Variants in RYR1 observed in about 807,000 individuals in gnomAD.
RYR1 encodes the protein central core disease of muscle.
In RYR1, 342 loss-of-function variants were observed where a neutral mutation model predicts 583.5. That is an observed-to-expected ratio of 0.59 (90% CI 0.54 to 0.64). The LOEUF is 0.64. Among genes scored for constraint, RYR1 ranks in the 30% least tolerant of loss-of-function variants. The probability of loss-of-function intolerance (pLI) is 0.00; values close to 1 mark genes in which losing one functional copy is unlikely to be tolerated. For missense variants in RYR1, 6,032 were observed against 6,917.2 expected, an observed-to-expected ratio of 0.87 and a Z score of 4.54; for synonymous variants, 2,791 against 2,822.5, an observed-to-expected ratio of 0.99 and a Z score of 0.35.
At chr19:38,455,214 C>T (rs753757530) in intron 13 of RYR1, 21 bp from the exon 14 acceptor site, 1 of 1,613,850 alleles carries the variant, frequency 6.2e-7, no homozygotes, top group African/African-American at 1.3e-5. Context: ...ATTGTGATGC[C>T]TCTTATTTTC....
At chr19:38,567,696 G>A (rs1034886830) in intron 92 of RYR1, 77 bp from the exon 93 acceptor site, 33 of 1,611,054 alleles carry the variant, frequency 2.0e-5, no homozygotes, top group East Asian at 1.1e-4. Flanking sequence ...CGGGCCCTTG[G>A]TGAATGGTTT....
chr19:38,543,523 C>T lies in RYR1; in HGVS notation c.11779-9C>T. The T allele has an allele frequency of 6.2e-7, 1 of 1,614,206 alleles. No homozygotes were observed. Among genetic ancestry groups the T allele is most frequent in the Non-Finnish European group, 8.5e-7 (1 of 1,180,020 alleles). On this transcript the variant is annotated splice_polypyrimidine_tract_variant and intron_variant, in intron 85 of 105. Coordinates refer to ENST00000359596, the MANE Select transcript of RYR1 (RefSeq NM_000540.3). The surrounding 1 kb of genome is among the most constrained non-coding windows in gnomAD (Gnocchi z 4.4). ...CAGCACCCCCTCACACCCTACCCGCCCCCACCAGGAATCCATCAGCGACTT... is the reference window on the plus strand; with the variant it reads ...CAGCACCCCCTCACACCCTACCCGCTCCCACCAGGAATCCATCAGCGACTT...
At chr19:38,502,802 GGC>G in intron 48 of RYR1, 75 bp downstream of exon 48, 3 of 1,039,144 alleles carry the variant, frequency 2.9e-6, no homozygotes, top group South Asian at 1.8e-5. Flanking sequence ...CAGGGGCAGG[GGC>G]AGGGGGAGGA....
rs1973383781 is a variant in RYR1, at chr19:38,565,670, T to A, written c.13336T>A (p.Phe4446Ile). The change falls in exon 91 of 106, where the codon TTC becomes ATC. Residue 4446 changes from phenylalanine to isoleucine, a missense_variant. This residue lies in a region of RYR1 where 753 missense variants were observed against 759.6 expected (regional missense o/e 0.99). Coordinates refer to ENST00000359596, the MANE Select transcript of RYR1 (RefSeq NM_000540.3). The surrounding 1 kb of genome is among the most constrained non-coding windows in gnomAD (Gnocchi z 4.7). ...GAVAVTDGGPFRPEGAGGLGD... is the reference protein window; with the variant it reads ...GAVAVTDGGPIRPEGAGGLGD... ...GGTGGCCGTGACCGATGGGGGCCCC[T>A]TCCGGCCCGAAGGGGCTGGCGGTCT... 2.9e-6 allele frequency: 4 copies of A among 1,391,996 alleles called. No homozygotes were observed. Among genetic ancestry groups the A allele is most frequent in the Non-Finnish European group, 3.7e-6 (4 of 1,083,200 alleles). 86.2% of individuals were successfully genotyped at this position (1,391,996 alleles called of 1,614,324 possible).
intron 67 of RYR1, among the ~76,000 whole-genome samples, chr19:38,521,858 C>T (rs1282295131): frequency 6.6e-6 from 1 of 151,428 alleles, no homozygotes; most frequent in Non-Finnish European, 1.5e-5. Flanking sequence ...AGGTGCCTGC[C>T]ACCACACCCG....
At position 38,573,413 on chromosome 19, in the gene RYR1, G is replaced by A. The variant is rs1038623910; in HGVS notation, c.14129+106G>A. On this transcript the variant is annotated intron_variant, in intron 96 of 105. Coordinates refer to ENST00000359596, the MANE Select transcript of RYR1 (RefSeq NM_000540.3). ...ACTAGGGTTTCGGTCCGGGCACGGT[G>A]GCTCACACCTGTAATCCCGGCACTT... is the stretch of plus-strand genomic sequence containing the variant. 1.3e-5 allele frequency: 18 copies of A among 1,412,056 alleles called. No individual in the cohort carries two copies. In the African/African-American group the frequency reaches 2.6e-4, roughly 20 times the overall value. The allele number at this position is 1,412,056 out of a possible 1,614,324, so 87.5% of individuals were successfully genotyped here.
intron 33 of RYR1, among the ~76,000 whole-genome samples, chr19:38,484,682 T>C (rs1405787684): frequency 6.6e-6 from 1 of 151,992 alleles, no homozygotes; most frequent in Non-Finnish European, 1.5e-5. Flanking sequence ...ATTCAACAAA[T>C]ATTTATGGGT....
intron 69 of RYR1, chr19:38,523,523 CCATCTCCCTCTT>C (rs1382502170): frequency 3.2e-6 from 2 of 624,302 alleles, no homozygotes; most frequent in African/African-American, 3.6e-5. Flanking sequence ...CTCCTCCTCT[CCATCTCCCTCTT>C]CTCTCATCTC....
At chr19:38,582,159 G>T (rs1974243238) in intron 101 of RYR1, among the ~76,000 whole-genome samples, 1 of 151,730 alleles carries the variant, frequency 6.6e-6, no homozygotes, top group African/African-American at 2.4e-5. Context: ...GCACTTTGGG[G>T]GGCTGAGGGG....
chr19:38,541,882 A>T, intron 84 of RYR1, among the ~76,000 whole-genome samples: 1 of 151,796 alleles, frequency 6.6e-6, no homozygotes, highest in Non-Finnish European at 1.5e-5. Flanking sequence ...CAGGAGTTCG[A>T]GACCAGCCTG....
At position 38,502,765 on chromosome 19, in the gene RYR1, G is replaced by A. The variant is rs191156697; in HGVS notation, c.7835+38G>A. 4,347 of 813,776 alleles carry A rather than the reference G, an allele frequency of 5.3e-3. 23 individuals carry two copies. The highest frequency in any genetic ancestry group is 0.014 in the Middle Eastern group (38 of 2,696). 50.4% of individuals were successfully genotyped at this position (813,776 alleles called of 1,614,324 possible). A position where few individuals can be genotyped will look rare whatever the true frequency, so the allele number is the denominator to read the frequency against. ...AGGCTTCAGGGTGGGGCAGGGGCAG[G>A]GGCAGGGGCAGGGGCAGGGGCAGGG... On this transcript the variant is annotated intron_variant, in intron 48 of 105. Transcript: ENST00000359596.
At chr19:38,503,026 C>A in intron 49 of RYR1, 56 bp downstream of exon 49, 2 of 1,556,842 alleles carry the variant, frequency 1.3e-6, no homozygotes, top group Non-Finnish European at 1.8e-6. Flanking sequence ...CTGGTTTGCT[C>A]TTCCCTCCTA....
chr19:38,524,056 C>T, intron 70 of RYR1, 127 bp downstream of exon 70: 1 of 1,036,152 alleles, frequency 9.7e-7, no homozygotes, highest in Admixed American at 2.0e-5. Context: ...CCTCCCAGCC[C>T]CCACCCATCC....
At chr19:38,534,484 G>A (rs1383440031) in intron 78 of RYR1, among the ~76,000 whole-genome samples, 1 of 152,222 alleles carries the variant, frequency 6.6e-6, no homozygotes, top group Non-Finnish European at 1.5e-5. Context: ...ATGGGCCCAG[G>A]TTAAGACTGC....
rs1970753936 is a variant in RYR1, at chr19:38,512,101, C to G, written c.9202C>G (p.Leu3068Val). ...AGACGCCCCAGCTGTGGTCAACTGTCTTCACATCCTGGCCCGCTCCCTGGA... is the reference window on the plus strand; with the variant it reads ...AGACGCCCCAGCTGTGGTCAACTGTGTTCACATCCTGGCCCGCTCCCTGGA... ...GTDAPAVVNC[L>V]HILARSLDAR... Residue 3068 changes from leucine (L) to valine (V), a missense_variant, in exon 62 of 106, where the codon CTT becomes GTT. Transcript: ENST00000359596. The surrounding 1 kb of genome is among the most constrained non-coding windows in gnomAD (Gnocchi z 5.1). 2 of 1,614,090 alleles carry G rather than the reference C, an allele frequency of 1.2e-6. No homozygotes were observed. Among genetic ancestry groups the G allele is most frequent in the Non-Finnish European group, 1.7e-6 (2 of 1,180,050 alleles).
At chr19:38,567,963 C>T (rs1229995597) in intron 93 of RYR1, 46 bp downstream of exon 93, 3 of 1,606,780 alleles carry the variant, frequency 1.9e-6, no homozygotes, top group Middle Eastern at 4.3e-4. Flanking sequence ...CCCCGGGAGC[C>T]CCACCTCTGG....
chr19:38,525,491 C>T lies in RYR1; in HGVS notation c.10615C>T (p.Arg3539Cys), dbSNP rs759605800. Residue 3539 changes from arginine to cysteine, a missense_variant, in exon 71 of 106, where the codon CGT becomes TGT. By Grantham distance (180) the Arg-to-Cys change is radical (BLOSUM62 -3). This residue lies in a region of RYR1 where 1,493 missense variants were observed against 1,715.5 expected (regional missense o/e 0.87). Transcript: ENST00000359596. ...DQDLITLAKT[R>C]YALKDTDEEV... ...AGACCTCATCACGCTGGCCAAGACC[C>T]GTTACGCCCTGGTGCCTGCCCAGCC... 5.0e-6 allele frequency: 8 copies of T among 1,613,840 alleles called. No homozygotes were observed. In the South Asian group the frequency reaches 8.8e-5, roughly 18 times the overall value.
rs1252654593 is a variant in RYR1, at chr19:38,448,349, C to G, written c.801-6C>G. ...TCTGACTCCCCTTGGCTCTCACCCT[C>G]CACAGCTGGAGTGGGAGCCACCTGC... On this transcript the variant is annotated splice_region_variant and splice_polypyrimidine_tract_variant and intron_variant, in intron 9 of 105. Transcript: ENST00000359596. 6.2e-7 allele frequency: 1 copy of G among 1,607,020 alleles called. No individual in the cohort carries two copies. Among genetic ancestry groups the G allele is most frequent in the Non-Finnish European group, 8.5e-7 (1 of 1,179,582 alleles).
At position 38,578,134 on chromosome 19, in the gene RYR1, G is replaced by A. The variant is rs368201693; in HGVS notation, c.14304-10G>A. 6.9e-5 allele frequency: 85 copies of A among 1,231,264 alleles called. No individual in the cohort carries two copies. The East Asian group carries it at 7.4e-4, about 11-fold the overall frequency. The allele number at this position is 1,231,264 out of a possible 1,614,324, so 76.3% of individuals were successfully genotyped here. A position where few individuals can be genotyped will look rare whatever the true frequency, so the allele number is the denominator to read the frequency against. On this transcript the variant is annotated splice_polypyrimidine_tract_variant and intron_variant, in intron 98 of 105. Coordinates refer to ENST00000359596, the MANE Select transcript of RYR1 (RefSeq NM_000540.3). ...CACTCAAGCATCTCTCCCCACCCCC[G>A]CCCCCACAGGCTCATGTCCATCGAT...
Sources: gnomAD v4.1 joint callset for allele counts (sites outside exome capture counted in the v4.1 genomes callset) on GRCh38, gnomAD v4.1.1 for gene constraint, gnomAD v4.1.1 regional missense constraint, Gnocchi (gnomAD v3.1) non-coding constraint, MANE v1.5 for transcripts, NCBI Gene and HGNC (gene_info 2026-07-23, HGNC 2026-07-21) for gene names.